Variants in DSE observed in about 807,000 individuals in gnomAD.
The protein encoded by DSE is dermatan sulfate epimerase.
A neutral mutation model predicts 84.4 loss-of-function variants in DSE; 36 were observed. The ratio of observed to expected loss-of-function variants is 0.43; its 90% confidence interval spans 0.33 to 0.56. DSE has a LOEUF of 0.56. Among genes scored for constraint, DSE ranks in the 20% least tolerant of loss-of-function variants. The probability of loss-of-function intolerance (pLI) is 0.06; values close to 1 mark genes in which losing one functional copy is unlikely to be tolerated. For missense variants in DSE, 862 were observed against 1,169.6 expected, an observed-to-expected ratio of 0.74 and a Z score of 3.84; for synonymous variants, 410 against 430.1, an observed-to-expected ratio of 0.95 and a Z score of 0.58.
intron 2 of DSE, chr6:116,278,404 A>G (rs563072302): frequency 4.9e-6 from 7 of 1,429,506 alleles, no homozygotes; most frequent in Non-Finnish European, 6.8e-6. Flanking sequence ...AGGGTGCAGA[A>G]AAGTCAGCAA....
chr6:116,301,602 G>A (rs533643630), intron 2 of DSE, among the ~76,000 whole-genome samples: 27 of 152,126 alleles, frequency 1.8e-4, no homozygotes, highest in African/African-American at 4.1e-4. Context: ...TACTTAAACC[G>A]CCTCAATGGC....
intron 2 of DSE, chr6:116,279,543 G>A (rs761618402): frequency 6.2e-7 from 1 of 1,604,774 alleles, no homozygotes; most frequent in Admixed American, 1.7e-5. Flanking sequence ...CTTCCTGCCC[G>A]GCTTTGATCG....
At chr6:116,301,252 T>C (rs1360665367) in intron 2 of DSE, among the ~76,000 whole-genome samples, 1 of 152,084 alleles carries the variant, frequency 6.6e-6, no homozygotes, top group African/African-American at 2.4e-5. Context: ...CCCTCGGGGC[T>C]TCTCCCTCAG....
chr6:116,406,164 C>T (rs747925776), intron 2 of DSE, among the ~76,000 whole-genome samples: 5 of 152,146 alleles, frequency 3.3e-5, no homozygotes, highest in Non-Finnish European at 7.4e-5. Flanking sequence ...CTCACTTGCT[C>T]GCCTACCTCC....
intron 2 of DSE, among the ~76,000 whole-genome samples, chr6:116,268,188 T>C (rs1772718989): frequency 6.6e-6 from 1 of 152,232 alleles, no homozygotes; most frequent in Admixed American, 6.5e-5. Context: ...TTTTATGCCA[T>C]CTTTTTACAG....
intron 2 of DSE, among the ~76,000 whole-genome samples, chr6:116,295,276 G>A (rs1418206432): frequency 6.6e-6 from 1 of 152,102 alleles, no homozygotes; most frequent in African/African-American, 2.4e-5. Flanking sequence ...TGTGGGGAGA[G>A]AGCGGGAGAG....
intron 2 of DSE, among the ~76,000 whole-genome samples, chr6:116,297,955 G>C (rs923261582): frequency 8.5e-5 from 13 of 152,138 alleles, no homozygotes; most frequent in African/African-American, 2.9e-4. Context: ...TGTTTTCCTG[G>C]CTTGGAAATT....
At chr6:116,408,598 A>T (rs1428471475) in intron 2 of DSE, among the ~76,000 whole-genome samples, 1 of 151,912 alleles carries the variant, frequency 6.6e-6, no homozygotes, top group Non-Finnish European at 1.5e-5. Context: ...TCTCACTTTC[A>T]CTCTGAAGAC....
At chr6:116,318,428 C>G (rs577601567) in intron 2 of DSE, among the ~76,000 whole-genome samples, 1 of 152,194 alleles carries the variant, frequency 6.6e-6, no homozygotes, top group South Asian at 2.1e-4. Context: ...ATGGCATGAA[C>G]CCGGGCCAAG....
chr6:116,343,078 G>T (rs1777713455), intron 2 of DSE, among the ~76,000 whole-genome samples: 1 of 152,182 alleles, frequency 6.6e-6, no homozygotes, highest in South Asian at 2.1e-4. Context: ...GAACTGCAAG[G>T]TGGCAGTGAG....
chr6:116,340,111 A>T (rs1465598752), intron 2 of DSE, among the ~76,000 whole-genome samples: 1 of 152,248 alleles, frequency 6.6e-6, no homozygotes, highest in Non-Finnish European at 1.5e-5. Context: ...GAAGAGTTTC[A>T]GGCAGAAGGT....
intron 2 of DSE, among the ~76,000 whole-genome samples, chr6:116,348,777 A>G (rs57294645): frequency 0.039 from 5,914 of 152,318 alleles, 179 homozygotes; most frequent in African/African-American, 0.078. Flanking sequence ...CATATACACC[A>G]TGGAATACTA....
At chr6:116,384,430 T>C (rs1246388067) in intron 1 of DSE, among the ~76,000 whole-genome samples, 1 of 152,082 alleles carries the variant, frequency 6.6e-6, no homozygotes, top group African/African-American at 2.4e-5. Context: ...ATGGCGAAAG[T>C]TGGGGGTAAA....
intron 1 of DSE, among the ~76,000 whole-genome samples, chr6:116,381,783 A>G (rs1780239972): frequency 2.6e-5 from 4 of 152,184 alleles, no homozygotes; most frequent in African/African-American, 9.6e-5. Flanking sequence ...TTCTAGAGCT[A>G]GGACTCTATT....
chr6:116,292,209 G>A (rs895166678), intron 2 of DSE, among the ~76,000 whole-genome samples: 3 of 152,068 alleles, frequency 2.0e-5, no homozygotes, highest in African/African-American at 7.2e-5. Flanking sequence ...GAGGAACACT[G>A]ACGTGAAAGA....
chr6:116,418,774 T>C (rs1329604901), intron 2 of DSE, among the ~76,000 whole-genome samples: 3 of 152,192 alleles, frequency 2.0e-5, no homozygotes, highest in Non-Finnish European at 4.4e-5. Flanking sequence ...GGCAAAACCA[T>C]TCTAGATTCA....
At chr6:116,258,301 C>T in intron 1 of DSE, 2 of 439,562 alleles carry the variant, frequency 4.5e-6, no homozygotes, top group Non-Finnish European at 8.4e-6. Context: ...CAGGTGTGAG[C>T]CACCGGACCT....
chr6:116,410,765 A>T (rs892383204), intron 2 of DSE, among the ~76,000 whole-genome samples: 10 of 144,778 alleles, frequency 6.9e-5, no homozygotes, highest in African/African-American at 2.3e-4. Flanking sequence ...AAAAAAAAAA[A>T]AGAAGAAGAA....
In DSE at chr6:116,266,535, T is replaced by A. The variant is rs371271313; in HGVS notation, c.-54+7568T>A. Among the ~76,000 whole-genome samples, 238 of 152,320 alleles carry A rather than the reference T, an allele frequency of 1.6e-3. 1 individual carries two copies. Among genetic ancestry groups the A allele is most frequent in the African/African-American group, 5.4e-3 (225 of 41,582 alleles). On this transcript the variant is annotated intron_variant, in intron 2 of 3. Coordinates refer to the DSE transcript ENST00000430252. ...AAAATTATTCAAGAATTTTGAATAGTAATTAAGATTACTATTATAAATGGG... is the reference window on the plus strand; with the variant it reads ...AAAATTATTCAAGAATTTTGAATAGAAATTAAGATTACTATTATAAATGGG...
Sources: gnomAD v4.1 joint callset for allele counts (sites outside exome capture counted in the v4.1 genomes callset) on GRCh38, gnomAD v4.1.1 for gene constraint, MANE v1.5 for transcripts, NCBI Gene and HGNC (gene_info 2026-07-23, HGNC 2026-07-21) for gene names.